The following LIN7C variants were observed in gnomAD, a reference collection of about 807,000 sequenced individuals.
The protein encoded by LIN7C is lin-7 cell polarity scaffold C.
LIN7C carries 17 observed loss-of-function variants against 24.7 expected under a neutral mutation model. The ratio of observed to expected loss-of-function variants is 0.69; its 90% confidence interval spans 0.47 to 1.03. LIN7C has a LOEUF of 1.03. Among genes scored for constraint, LIN7C ranks in the 50% least tolerant of loss-of-function variants. LIN7C has a pLI of 0.00. For synonymous variants in LIN7C, 90 were observed against 83.4 expected (o/e 1.08, Z -0.43); for missense variants, 204 against 239.0 (o/e 0.85, Z 0.97).
intron 1 of LIN7C, among the ~76,000 whole-genome samples, chr11:27,503,417 C>T (rs565132860): frequency 5.3e-5 from 8 of 152,284 alleles, no homozygotes; most frequent in African/African-American, 1.9e-4. Flanking sequence ...TTCCTGATTT[C>T]GTTACACTCA....
chr11:27,506,610 C>G, intron 1 of LIN7C, 106 bp downstream of exon 1: 1 of 1,315,258 alleles, frequency 7.6e-7, no homozygotes, highest in Non-Finnish European at 1.1e-6. Flanking sequence ...GCACAAGGGA[C>G]AGCGTGGCCC....
At chr11:27,506,592 T>C in intron 1 of LIN7C, 124 bp downstream of exon 1, 2 of 1,121,696 alleles carry the variant, frequency 1.8e-6, no homozygotes, top group Non-Finnish European at 2.6e-6. Flanking sequence ...CGGCGGCCTC[T>C]GGCGCCGGCA....
At chr11:27,506,521 G>A (rs1865301557) in intron 1 of LIN7C, among the ~76,000 whole-genome samples, 195 bp downstream of exon 1, 4 of 152,132 alleles carry the variant, frequency 2.6e-5, no homozygotes, top group African/African-American at 7.2e-5. Flanking sequence ...AACAGAGGAG[G>A]GCTTACGGTT....
intron 1 of LIN7C, among the ~76,000 whole-genome samples, chr11:27,504,873 T>C (rs1203222376): frequency 6.6e-6 from 1 of 152,120 alleles, no homozygotes; most frequent in East Asian, 1.9e-4. Context: ...CTGCAGTTGG[T>C]TGAAATATGG....
At chr11:27,505,198 G>T (rs1382119522) in intron 1 of LIN7C, among the ~76,000 whole-genome samples, 1 of 152,144 alleles carries the variant, frequency 6.6e-6, no homozygotes, top group Non-Finnish European at 1.5e-5. Context: ...CGGGTTTGGC[G>T]GCGTTCGCCT....
At chr11:27,500,078 G>A (rs1160617410) in intron 3 of LIN7C, among the ~76,000 whole-genome samples, 3 of 152,118 alleles carry the variant, frequency 2.0e-5, no homozygotes, top group Non-Finnish European at 4.4e-5. Flanking sequence ...GAAATGTTAC[G>A]ATTTTTTGTT....
At chr11:27,502,215 T>C (rs1161745664) in intron 1 of LIN7C, among the ~76,000 whole-genome samples, 2 of 152,054 alleles carry the variant, frequency 1.3e-5, no homozygotes, top group South Asian at 2.1e-4. Flanking sequence ...GAACACAAAA[T>C]ACCAAATGTC....
chr11:27,500,064 G>A (rs1015261193), intron 3 of LIN7C, among the ~76,000 whole-genome samples: 8 of 152,182 alleles, frequency 5.3e-5, no homozygotes, highest in Non-Finnish European at 8.8e-5. Flanking sequence ...TTCGAGTTAT[G>A]CAGGAAATGT....
intron 4 of LIN7C, 104 bp downstream of exon 4, chr11:27,499,255 A>G: frequency 1.2e-6 from 1 of 857,092 alleles, no homozygotes; most frequent in Non-Finnish European, 1.9e-6. Context: ...GATTCCCTCA[A>G]GGCATTTCTA....
intron 3 of LIN7C, among the ~76,000 whole-genome samples, chr11:27,501,042 G>C (rs1865219802): frequency 6.6e-6 from 1 of 152,106 alleles, no homozygotes; most frequent in Non-Finnish European, 1.5e-5. Flanking sequence ...AAAGAAGAAA[G>C]CAAAAATCAA....
At position 27,506,726 on chromosome 11, in the gene LIN7C, C is replaced by G; in HGVS notation, c.27G>C (p.Arg9=). 1 of 1,614,120 alleles carries G rather than the reference C, an allele frequency of 6.2e-7. No homozygotes were observed. Among genetic ancestry groups the G allele is most frequent in the Non-Finnish European group, 8.5e-7 (1 of 1,180,020 alleles). ...CTCGGCTGCACTCACCTCTCTCCAG[C>G]CGCACGGGTTCCCCTAGCGCCGCCA... MAALGEPV[R]LERDICRAIE... is the part of the protein sequence containing the mutation. The change falls in exon 1 of 5, where the codon CGG becomes CGC. Residue 9 remains arginine, a synonymous_variant. Transcript: ENST00000278193.
At chr11:27,502,473 A>G (rs531665966) in intron 1 of LIN7C, among the ~76,000 whole-genome samples, 1 of 152,332 alleles carries the variant, frequency 6.6e-6, no homozygotes, top group South Asian at 2.1e-4. Context: ...ATTTAAAACA[A>G]CCATAAAAAT....
At position 27,495,829 on chromosome 11, in the gene LIN7C, T is replaced by C. The variant is rs894398979; in HGVS notation, c.*2820A>G. The C allele has an allele frequency of 1.3e-5, 2 of 152,008 alleles. No individual in the cohort carries two copies. The highest frequency in any genetic ancestry group is 2.4e-5 in the African/African-American group (1 of 41,380). 9.4% of individuals were successfully genotyped at this position (152,008 alleles called of 1,614,324 possible). ...ACCTTTTATTCCTAAAAGAAATTAC[T>C]TGGCCAGGTGCAGTGGCTCACGCCT... is the stretch of plus-strand genomic sequence containing the variant. On this transcript the variant is annotated 3_prime_UTR_variant, in exon 5 of 5. Coordinates refer to ENST00000278193, the MANE Select transcript of LIN7C (RefSeq NM_018362.4).
chr11:27,499,080 T>C (rs1865196560), intron 4 of LIN7C, among the ~76,000 whole-genome samples: 1 of 152,296 alleles, frequency 6.6e-6, no homozygotes, highest in African/African-American at 2.4e-5. Context: ...GATCAAGCAA[T>C]TGGCATTTTA....
At position 27,496,272 on chromosome 11, in the gene LIN7C, C is replaced by T. The variant is rs1241358762; in HGVS notation, c.*2377G>A. On this transcript the variant is annotated 3_prime_UTR_variant, in exon 5 of 5. Coordinates refer to ENST00000278193, the MANE Select transcript of LIN7C (RefSeq NM_018362.4). ...CTAAGATTGAGAATCACTAAGTCAA[C>T]ACATTTTGATATATCAAGAAAATAA... The T allele has an allele frequency of 6.6e-6, 1 of 151,822 alleles. No individual in the cohort carries two copies. Among genetic ancestry groups the T allele is most frequent in the Admixed American group, 6.6e-5 (1 of 15,246 alleles). 9.4% of individuals were successfully genotyped at this position (151,822 alleles called of 1,614,324 possible).
At chr11:27,502,808 C>G (rs1865238472) in intron 1 of LIN7C, among the ~76,000 whole-genome samples, 1 of 152,144 alleles carries the variant, frequency 6.6e-6, no homozygotes, top group South Asian at 2.1e-4. Flanking sequence ...TACATTGGTA[C>G]CAATTAATCA....
At position 27,501,860 on chromosome 11, in the gene LIN7C, T is replaced by C. The variant is rs752393345; in HGVS notation, c.98A>G (p.Gln33Arg). The change falls in exon 2 of 5, where the codon CAG becomes CGG. Residue 33 changes from glutamine (Q) to arginine (R), a missense_variant. Physicochemically the swap from Gln to Arg is conservative, Grantham distance 43. Coordinates refer to ENST00000278193, the MANE Select transcript of LIN7C (RefSeq NM_018362.4). ...GACTCTTTGCAAAGCCTGAAGTTTC[T>C]GTGGTGGTACTTCTCCACTCCTTTG... ...KLQRSGEVPP[Q>R]KLQALQRVLQ... 12 of 1,613,520 alleles carry C rather than the reference T, an allele frequency of 7.4e-6. No individual in the cohort carries two copies. Among genetic ancestry groups the C allele is most frequent in the Non-Finnish European group, 1.0e-5 (12 of 1,179,528 alleles).
intron 1 of LIN7C, among the ~76,000 whole-genome samples, chr11:27,502,146 GA>G (rs1865232155): frequency 6.6e-6 from 1 of 152,166 alleles, no homozygotes; most frequent in African/African-American, 2.4e-5. Context: ...CAGTAGATAG[GA>G]AAAACTACTG....
intron 3 of LIN7C, among the ~76,000 whole-genome samples, chr11:27,499,817 T>C (rs1017833613): frequency 4.6e-5 from 7 of 152,162 alleles, no homozygotes; most frequent in South Asian, 4.1e-4. Context: ...TTAGTAGAGA[T>C]GGGGTTTCAC....
Sources: gnomAD v4.1 joint callset for allele counts (sites outside exome capture counted in the v4.1 genomes callset) on GRCh38, gnomAD v4.1.1 for gene constraint, MANE v1.5 for transcripts, NCBI Gene and HGNC (gene_info 2026-07-23, HGNC 2026-07-21) for gene names.